Variants in ZNF655 observed in about 807,000 individuals in gnomAD.
ZNF655 encodes Vav-interacting Kruppel-like protein 1.
Under a neutral mutation model 6.6 loss-of-function variants are expected in ZNF655, and 3 were observed. The ratio of observed to expected loss-of-function variants is 0.46; its 90% CI spans 0.21 to 1.18. The LOEUF is 1.18. ZNF655 is among the 50% of genes most tolerant of loss of function. The pLI is 0.24. For missense variants in ZNF655, 526 were observed against 572.3 expected (o/e 0.92, Z 0.83); for synonymous variants, 178 against 195.0 (o/e 0.91, Z 0.73).
intron 2 of ZNF655, among the ~76,000 whole-genome samples, chr7:99,569,983 C>T (rs1293916343): frequency 6.6e-6 from 1 of 152,114 alleles, no homozygotes. Context: ...TTCTTAGTCT[C>T]TGAAGTCCAT....
intron 2 of ZNF655, among the ~76,000 whole-genome samples, chr7:99,565,404 C>T (rs532744024): frequency 1.9e-4 from 29 of 152,236 alleles, no homozygotes; most frequent in Non-Finnish European, 3.5e-4. Flanking sequence ...CTCCTGACCT[C>T]GTGATCCGCC....
At chr7:99,561,173 A>C (rs1803115969) in intron 2 of ZNF655, among the ~76,000 whole-genome samples, 2 of 152,190 alleles carry the variant, frequency 1.3e-5, no homozygotes, top group African/African-American at 4.8e-5. Context: ...CAACCATTTA[A>C]TTCCTTGGTT....
At chr7:99,561,626 A>G (rs1180759888) in intron 2 of ZNF655, among the ~76,000 whole-genome samples, 2 of 152,192 alleles carry the variant, frequency 1.3e-5, no homozygotes, top group East Asian at 1.9e-4. Flanking sequence ...ACTCTTCTGT[A>G]AGAGGACTGT....
chr7:99,564,585 T>C, intron 2 of ZNF655: 1 of 985,534 alleles, frequency 1.0e-6, no homozygotes, highest in Non-Finnish European at 1.2e-6. Flanking sequence ...AGAAGTTAAA[T>C]TTATTTCAGG....
rs1209535121 is a variant in ZNF655 at position 99,576,047 on chromosome 7, A to G, written c.*2463A>G. 1 of 152,192 alleles carries G rather than the reference A, an allele frequency of 6.6e-6. No homozygotes were observed. Among genetic ancestry groups the G allele is most frequent in the African/African-American group, 2.4e-5 (1 of 41,430 alleles). 9.4% of individuals were successfully genotyped at this position (152,192 alleles called of 1,614,324 possible). ...TGTCAGTCCAGCAATTGAGGCTTTC[A>G]TAGTTCAGTGTTATAATATTCAGTA... On this transcript the variant is annotated 3_prime_UTR_variant, in exon 3 of 3. Transcript: ENST00000252713.
rs749856893 is a variant in ZNF655, at chr7:99,573,017, C to A, written c.909C>A (p.Tyr303Ter). 6.2e-7 allele frequency: 1 copy of A among 1,614,114 alleles called. No individual in the cohort carries two copies. Among genetic ancestry groups the A allele is most frequent in the Non-Finnish European group, 8.5e-7 (1 of 1,180,002 alleles). Residue 303 changes from tyrosine to a stop codon, truncating the protein, a stop_gained, in exon 3 of 3, where the codon TAC becomes TAA. Coordinates refer to ENST00000252713, the MANE Select transcript of ZNF655 (RefSeq NM_138494.3). LOFTEE classifies it low-confidence loss of function (END_TRUNC). ...AAATTCACACCAGAGCCAAATCTTA[C>A]AAATGTAGCAGTTGTGAAAGAGTCT... ...HKKIHTRAKS[Y>*]KCSSCERVFS...
chr7:99,567,559 A>G (rs1319299186), intron 2 of ZNF655, among the ~76,000 whole-genome samples: 1 of 151,980 alleles, frequency 6.6e-6, no homozygotes, highest in Non-Finnish European at 1.5e-5. Context: ...ATTCACGTCA[A>G]TGTCAAGAGA....
chr7:99,572,944 C>A lies in ZNF655; in HGVS notation c.836C>A (p.Ala279Glu), dbSNP rs760272114. 1.1e-5 allele frequency: 17 copies of A among 1,613,902 alleles called. No individual in the cohort carries two copies. The African/African-American group carries it at 2.0e-4, about 19-fold the overall frequency. ...GAAGCATCTGATAAATCCTGTGAAG[C>A]GTCTGATAAATCCTGTAGTCCAAGC... ...KCEASDKSCE[A>E]SDKSCSPSSG... is the part of the protein sequence containing the mutation. Residue 279 changes from alanine (A) to glutamate (E), a missense_variant, in exon 3 of 3, where the codon GCG becomes GAG. Ala to Glu is a moderately radical substitution (Grantham distance 107). Transcript: ENST00000252713.
intron 2 of ZNF655, chr7:99,571,206 T>C: frequency 7.8e-7 from 1 of 1,280,464 alleles, no homozygotes; most frequent in African/African-American, 1.5e-5. Context: ...AAATTGTTTC[T>C]TGAGATTGGT....
intron 2 of ZNF655, chr7:99,571,134 C>A: frequency 1.2e-6 from 1 of 854,706 alleles, no homozygotes; most frequent in Non-Finnish European, 1.6e-6. Flanking sequence ...TGAATAAATG[C>A]TACACTCCTA....
At position 99,573,783 on chromosome 7, in the gene ZNF655, C is replaced by CCTG; in HGVS notation, c.*199_*200insCTG. The CCTG allele has an allele frequency of 1.6e-6, 1 of 613,330 alleles. No individual in the cohort carries two copies. The highest frequency in any genetic ancestry group is 2.7e-6 in the Non-Finnish European group (1 of 372,380). 38.0% of individuals were successfully genotyped at this position (613,330 alleles called of 1,614,324 possible). ...ATGAAGAAAAGGTATTAGTGTTAAA[C>CCTG]TCTTAATCGACTCCTGCAAATCTAT... On this transcript the variant is annotated 3_prime_UTR_variant, in exon 3 of 3. Transcript: ENST00000252713.
At position 99,563,045 on chromosome 7, in the gene ZNF655, C is replaced by T. The variant is rs964587433; in HGVS notation, c.136+2350C>T. The T allele has an allele frequency of 8.8e-4, 229 of 260,362 alleles. 2 individuals carry two copies. The highest frequency in any genetic ancestry group is 2.7e-4 in the Non-Finnish European group (32 of 119,372). 16.1% of individuals were successfully genotyped at this position (260,362 alleles called of 1,614,324 possible). A position where few individuals can be genotyped will look rare whatever the true frequency, so the allele number is the denominator to read the frequency against. On this transcript the variant is annotated intron_variant, in intron 2 of 2. Coordinates refer to ENST00000252713, the MANE Select transcript of ZNF655 (RefSeq NM_138494.3). Reference sequence around the variant, plus strand: ...CTTGAGATGTCATTTGAAGGCATGACTCACTGTGAGTACATTTCAGTGAGT... The same window carrying T: ...CTTGAGATGTCATTTGAAGGCATGATTCACTGTGAGTACATTTCAGTGAGT...
At chr7:99,563,850 T>C in intron 2 of ZNF655, 1 of 1,602,410 alleles carries the variant, frequency 6.2e-7, no homozygotes. Context: ...TCCTGGCTCT[T>C]TAATCTTTGT....
Position 99,574,029 on chromosome 7 carries a change from AT to A in ZNF655, c.*447del. 6.0e-6 allele frequency: 1 copy of A among 166,496 alleles called. No homozygotes were observed. The highest frequency in any genetic ancestry group is 1.6e-4 in the South Asian group (1 of 6,294). The allele number at this position is 166,496 out of a possible 1,614,324, so 10.3% of individuals were successfully genotyped here. ...AATAAGCATGTATGTGTGTGAGGAG[AT>A]TCAGTCATAACCCAACGCTCATTCA... On this transcript the variant is annotated 3_prime_UTR_variant, in exon 3 of 3. Transcript: ENST00000252713.
At chr7:99,565,064 C>T (rs10265385) in intron 2 of ZNF655, among the ~76,000 whole-genome samples, 35,299 of 152,028 alleles carry the variant, frequency 0.23, 5,842 homozygotes, top group African/African-American at 0.46. Context: ...ATTTATGTCC[C>T]GCTGCTCAAG....
At position 99,572,565 on chromosome 7, in the gene ZNF655, A is replaced by T; in HGVS notation, c.457A>T (p.Ile153Leu). 2 of 1,613,958 alleles carry T rather than the reference A, an allele frequency of 1.2e-6. No homozygotes were observed. The highest frequency in any genetic ancestry group is 1.1e-5 in the South Asian group (1 of 91,072). Reference sequence around the variant, plus strand: ...TGATGCAGATCAGAGAGTTCTTAGAATACAGAATACCGATGACAATGATAA... The same window carrying T: ...TGATGCAGATCAGAGAGTTCTTAGATTACAGAATACCGATGACAATGATAA... ...TIDADQRVLR[I>L]QNTDDNDKYD... Residue 153 changes from isoleucine to leucine, a missense_variant, in exon 3 of 3, where the codon ATA (isoleucine) becomes TTA (leucine). Physicochemically the swap from Ile to Leu is conservative, Grantham distance 5. Coordinates refer to ENST00000252713, the MANE Select transcript of ZNF655 (RefSeq NM_138494.3).
intron 1 of ZNF655, among the ~76,000 whole-genome samples, chr7:99,559,616 T>A (rs1291602909): frequency 6.6e-6 from 1 of 152,118 alleles, no homozygotes; most frequent in Non-Finnish European, 1.5e-5. Context: ...AAGACGATTG[T>A]AAATTTTAAA....
chr7:99,572,795 A>G lies in ZNF655; in HGVS notation c.687A>G (p.Arg229=), dbSNP rs1356611430. 2 of 1,613,554 alleles carry G rather than the reference A, an allele frequency of 1.2e-6. No homozygotes were observed. Among genetic ancestry groups the G allele is most frequent in the African/African-American group, 1.3e-5 (1 of 75,014 alleles). Residue 229 remains arginine, a synonymous_variant, in exon 3 of 3, where the codon AGA becomes AGG. Transcript: ENST00000252713. ...TCCATCAGAGCTCAGCCCTTACTAGACATCAGAGAATCCATACTAGAGAGA... is the reference window on the plus strand; with the variant it reads ...TCCATCAGAGCTCAGCCCTTACTAGGCATCAGAGAATCCATACTAGAGAGA... ...KIFHQSSALT[R]HQRIHTREKP... is the part of the protein sequence containing the mutation.
intron 2 of ZNF655, 118 bp from the exon 3 acceptor site, chr7:99,572,127 A>G: frequency 1.8e-6 from 2 of 1,139,146 alleles, no homozygotes; most frequent in Non-Finnish European, 2.4e-6. Context: ...TTTTCAGAGT[A>G]AATAAACTTT....
Sources: gnomAD v4.1 joint callset for allele counts (sites outside exome capture counted in the v4.1 genomes callset) on GRCh38, gnomAD v4.1.1 for gene constraint, MANE v1.5 for transcripts, NCBI Gene and HGNC (gene_info 2026-07-23, HGNC 2026-07-21) for gene names.